Variants in EPHB1 observed in about 807,000 individuals in gnomAD.
The protein encoded by EPHB1 is ephrin type-B receptor 1.
A neutral mutation model predicts 94.4 loss-of-function variants in EPHB1; 30 were observed. The observed-to-expected ratio is 0.32, with a 90% CI of 0.24 to 0.43. The LOEUF is 0.43. Among genes scored for constraint, EPHB1 ranks in the 20% least tolerant of loss-of-function variants. The pLI is 1.00. For synonymous variants in EPHB1, 522 were observed against 489.1 expected, an observed-to-expected ratio of 1.07 and a Z score of -0.89; for missense variants, 1,055 against 1,308.3, an observed-to-expected ratio of 0.81 and a Z score of 2.99.
chr3:134,989,254 G>A (rs1189659728), intron 3 of EPHB1, among the ~76,000 whole-genome samples: 2 of 152,110 alleles, frequency 1.3e-5, no homozygotes, highest in Non-Finnish European at 2.9e-5. Flanking sequence ...CACCAGAGGG[G>A]GAACATTACA....
At chr3:134,972,521 T>C (rs13059164) in intron 3 of EPHB1, among the ~76,000 whole-genome samples, 2 of 104,166 alleles carry the variant, frequency 1.9e-5, no homozygotes, top group African/African-American at 8.5e-5. Flanking sequence ...TATTATTATA[T>C]ATTTATTATA....
intron 4 of EPHB1, among the ~76,000 whole-genome samples, chr3:135,117,337 T>C (rs1406665180): frequency 6.6e-6 from 1 of 152,234 alleles, no homozygotes; most frequent in Non-Finnish European, 1.5e-5. Flanking sequence ...TGAGAAGCTT[T>C]CCCCACAATT....
At chr3:134,914,285 C>T (rs2038518192) in intron 1 of EPHB1, among the ~76,000 whole-genome samples, 2 of 152,222 alleles carry the variant, frequency 1.3e-5, no homozygotes, top group Admixed American at 6.5e-5. Flanking sequence ...ACAATGACTG[C>T]TCTTTGCAGA....
Position 135,192,617 on chromosome 3 carries a change from G to T in EPHB1, c.1924G>T (p.Gly642Cys). The part of the protein sequence containing the change: ...EVYKGRLKLP[G>C]KREIYVAIKT... ...GTACAAGGGGCGTTTGAAACTGCCAGGCAAGAGGGAAATCTACGTGGCCAT... is the reference window on the plus strand; with the variant it reads ...GTACAAGGGGCGTTTGAAACTGCCATGCAAGAGGGAAATCTACGTGGCCAT... The change falls in exon 11 of 16, where the codon GGC (glycine) becomes TGC (cysteine). Residue 642 changes from glycine to cysteine, a missense_variant. By Grantham distance (159) the Gly-to-Cys change is radical (BLOSUM62 -3). Coordinates refer to ENST00000398015, the MANE Select transcript of EPHB1 (RefSeq NM_004441.5). The T allele has an allele frequency of 1.2e-6, 2 of 1,614,006 alleles. No individual in the cohort carries two copies. The highest frequency in any genetic ancestry group is 2.2e-5 in the South Asian group (2 of 91,062).
At chr3:135,200,886 CAG>C (rs1445207366) in intron 11 of EPHB1, among the ~76,000 whole-genome samples, 1 of 152,094 alleles carries the variant, frequency 6.6e-6, no homozygotes, top group Non-Finnish European at 1.5e-5. Flanking sequence ...GGAGGGAAAA[CAG>C]AGGGAATAGC....
At chr3:134,844,228 C>T (rs142103563) in intron 1 of EPHB1, among the ~76,000 whole-genome samples, 37 of 152,308 alleles carry the variant, frequency 2.4e-4, no homozygotes, top group African/African-American at 8.7e-4. Context: ...AATGATTAGA[C>T]AGAGGTTGTG....
intron 12 of EPHB1, among the ~76,000 whole-genome samples, chr3:135,203,513 G>A (rs1346198914): frequency 6.6e-6 from 1 of 152,084 alleles, no homozygotes; most frequent in Non-Finnish European, 1.5e-5. Context: ...GGCTTTGCCG[G>A]CTAAGAGGCA....
At chr3:135,085,684 C>T (rs1354863803) in intron 3 of EPHB1, among the ~76,000 whole-genome samples, 2 of 152,238 alleles carry the variant, frequency 1.3e-5, no homozygotes, top group African/African-American at 4.8e-5. Context: ...CCTCAGCACA[C>T]ACAAAGCTCA....
chr3:134,915,018 C>T (rs367896302), intron 1 of EPHB1, among the ~76,000 whole-genome samples: 1 of 152,152 alleles, frequency 6.6e-6, no homozygotes, highest in African/African-American at 2.4e-5. Context: ...AACCATGACT[C>T]ACCTGCTAGA....
At chr3:134,917,457 C>T (rs2038598521) in intron 1 of EPHB1, among the ~76,000 whole-genome samples, 1 of 152,210 alleles carries the variant, frequency 6.6e-6, no homozygotes, top group Non-Finnish European at 1.5e-5. Context: ...GGCTATGCCA[C>T]GTGTGAACCA....
chr3:134,870,203 C>G (rs1013460049), intron 1 of EPHB1, among the ~76,000 whole-genome samples: 3 of 152,152 alleles, frequency 2.0e-5, no homozygotes, highest in Admixed American at 2.0e-4. Context: ...GAGCCAAAGT[C>G]CAGAGAGAGG....
At chr3:135,099,332 GAC>G in intron 3 of EPHB1, among the ~76,000 whole-genome samples, 1 of 83,546 alleles carries the variant, frequency 1.2e-5, no homozygotes, top group Non-Finnish European at 3.2e-5. Context: ...CGGATGGATG[GAC>G]GGATGGATGG....
chr3:135,256,447 G>C (rs1304908695), intron 15 of EPHB1, among the ~76,000 whole-genome samples: 2 of 152,156 alleles, frequency 1.3e-5, no homozygotes, highest in Admixed American at 1.3e-4. Context: ...TTGCTTGTCT[G>C]TAAAGTATTT....
At chr3:135,110,835 C>T in intron 4 of EPHB1, among the ~76,000 whole-genome samples, 1 of 152,166 alleles carries the variant, frequency 6.6e-6, no homozygotes, top group Non-Finnish European at 1.5e-5. Flanking sequence ...GCAGTTGTTT[C>T]CCTCTTTTAT....
chr3:135,069,726 C>A (rs1418217262), intron 3 of EPHB1, among the ~76,000 whole-genome samples: 6 of 152,128 alleles, frequency 3.9e-5, no homozygotes. Flanking sequence ...AGGCCACTCA[C>A]TGAACCACTT....
At chr3:134,963,446 T>TATA (rs1007068951) in intron 3 of EPHB1, among the ~76,000 whole-genome samples, 3 of 152,156 alleles carry the variant, frequency 2.0e-5, no homozygotes, top group Non-Finnish European at 4.4e-5. Flanking sequence ...GTATGATGGT[T>TATA]ATAACCTGGG....
chr3:135,050,292 C>T (rs956163606), intron 3 of EPHB1, among the ~76,000 whole-genome samples: 1 of 152,182 alleles, frequency 6.6e-6, no homozygotes, highest in African/African-American at 2.4e-5. Flanking sequence ...GTAATGACCA[C>T]CTACAGCCAC....
chr3:134,955,343 T>C lies in EPHB1; in HGVS notation c.805+3291T>C, dbSNP rs546998689. 2.6e-4 allele frequency among the ~76,000 whole-genome samples: 12 copies of C among 46,876 alleles called. No homozygotes were observed. The East Asian group carries it at 4.0e-3, about 16-fold the overall frequency. 30.8% of individuals were successfully genotyped at this position (46,876 alleles called of 152,430 possible). ...TCATTGTTCAATTCCCACCTATGAG[T>C]GAGAATATGCGGTGTTTGGTTTTTT... On this transcript the variant is annotated intron_variant, in intron 3 of 15. Transcript: ENST00000398015.
chr3:134,999,922 A>C (rs1474919015), intron 3 of EPHB1, among the ~76,000 whole-genome samples: 1 of 152,216 alleles, frequency 6.6e-6, no homozygotes, highest in Non-Finnish European at 1.5e-5. Context: ...CTTTTCTTGC[A>C]GGGTATTGCT....
Sources: allele counts gnomAD v4.1 joint callset (sites outside exome capture counted in the v4.1 genomes callset), GRCh38; gene constraint gnomAD v4.1.1; transcripts MANE v1.5; gene names NCBI Gene and HGNC (gene_info 2026-07-23, HGNC 2026-07-21).